The following FSTL4 variants were observed in gnomAD, a reference collection of about 807,000 sequenced individuals.
The protein encoded by FSTL4 is follistatin like 4.
Under a neutral mutation model 78.2 loss-of-function variants are expected in FSTL4, and 28 were observed. The observed-to-expected ratio is 0.36, with a 90% CI of 0.27 to 0.49. FSTL4 has a LOEUF of 0.49. FSTL4 is among the 20% of genes least tolerant of loss of function. FSTL4 has a pLI of 0.98. For synonymous variants in FSTL4, 422 were observed against 440.5 expected, an observed-to-expected ratio of 0.96 and a Z score of 0.53; for missense variants, 922 against 1,084.9, an observed-to-expected ratio of 0.85 and a Z score of 2.11.
At chr5:133,399,579 G>T (rs1253278758) in intron 4 of FSTL4, among the ~76,000 whole-genome samples, 1 of 152,190 alleles carries the variant, frequency 6.6e-6, no homozygotes, top group African/African-American at 2.4e-5. Flanking sequence ...ATCCGCCTCC[G>T]CTCAGGTGTG....
At chr5:133,399,003 C>G (rs72803175) in intron 4 of FSTL4, among the ~76,000 whole-genome samples, 31,520 of 152,194 alleles carry the variant, frequency 0.21, 4,016 homozygotes, top group East Asian at 0.28. Context: ...CCGCTCCACG[C>G]CAGCTTGTCC....
chr5:133,513,866 G>A (rs549565882), intron 3 of FSTL4, among the ~76,000 whole-genome samples: 2 of 152,090 alleles, frequency 1.3e-5, no homozygotes, highest in East Asian at 1.9e-4. Flanking sequence ...AGAGAACTTC[G>A]GCACCTCAAG....
At chr5:133,676,262 C>T in the FSTL4 span, among the ~76,000 whole-genome samples, 1 of 152,334 alleles carries the variant, frequency 6.6e-6, no homozygotes, top group African/African-American at 2.4e-5. Context: ...GAGGTCTACA[C>T]ATTTCTTCTA....
the FSTL4 span, among the ~76,000 whole-genome samples, chr5:133,789,455 C>T: frequency 6.6e-6 from 1 of 152,174 alleles, no homozygotes. Flanking sequence ...GATAATTGTT[C>T]AATGACTCTT....
In FSTL4 at chr5:133,197,287, GGA is replaced by G. The variant is rs879228157; in HGVS notation, c.*1806_*1807del. The G allele has an allele frequency of 1.3e-5, 2 of 151,458 alleles. No individual in the cohort carries two copies. The highest frequency in any genetic ancestry group is 3.9e-4 in the East Asian group (2 of 5,174). 9.4% of individuals were successfully genotyped at this position (151,458 alleles called of 1,614,324 possible). A position where few individuals can be genotyped will look rare whatever the true frequency, so the allele number is the denominator to read the frequency against. On this transcript the variant is annotated 3_prime_UTR_variant, in exon 16 of 16. Coordinates refer to ENST00000265342, the MANE Select transcript of FSTL4 (RefSeq NM_015082.2). ...CATAACATATCAAGATATTGAGGCA[GGA>G]AAAAAAAAGGGGTGAGATGGGTCAT...
rs1245244394 is a variant in FSTL4 at position 133,338,195 on chromosome 5, T to C, written c.410-21543A>G. ...CATGTTTCTAGATGACTCGGGTCAC[T>C]CACTGGCCCTGGCCCTGATGACCCC... On this transcript the variant is annotated intron_variant, in intron 4 of 15. Coordinates refer to ENST00000265342, the MANE Select transcript of FSTL4 (RefSeq NM_015082.2). This position sits in a 1 kb window ranked among gnomAD's most constrained non-coding sequence, Gnocchi z 4.0. Among the ~76,000 whole-genome samples the C allele has an allele frequency of 6.6e-6, 1 of 152,184 alleles. No individual in the cohort carries two copies. Among genetic ancestry groups the C allele is most frequent in the Non-Finnish European group, 1.5e-5 (1 of 68,036 alleles).
intron 4 of FSTL4, among the ~76,000 whole-genome samples, chr5:133,356,420 A>G (rs954150441): frequency 9.2e-5 from 14 of 152,116 alleles, no homozygotes; most frequent in African/African-American, 3.4e-4. Flanking sequence ...GGGAGGGGGA[A>G]TTTGAGAGGA....
intron 11 of FSTL4, among the ~76,000 whole-genome samples, chr5:133,223,398 T>C (rs1751218199): frequency 6.6e-6 from 1 of 152,190 alleles, no homozygotes; most frequent in African/African-American, 2.4e-5. Context: ...ATGGGAAATG[T>C]CTTGGTTTTC....
the FSTL4 span, among the ~76,000 whole-genome samples, chr5:133,681,385 C>T: frequency 6.6e-6 from 1 of 152,244 alleles, no homozygotes; most frequent in South Asian, 2.1e-4. Flanking sequence ...AGCCCTTCTT[C>T]ACTCCAACAG....
intron 13 of FSTL4, among the ~76,000 whole-genome samples, chr5:133,216,346 A>G (rs1210041675): frequency 6.6e-6 from 1 of 151,876 alleles, no homozygotes; most frequent in African/African-American, 2.4e-5. Flanking sequence ...GCTGGAGTGC[A>G]GTGGTGTGAT....
At chr5:133,609,289 A>G (rs952383121) in intron 1 of FSTL4, among the ~76,000 whole-genome samples, 28 of 151,808 alleles carry the variant, frequency 1.8e-4, no homozygotes, top group African/African-American at 6.5e-4. Flanking sequence ...CACACACTGT[A>G]GGTGTGTAGC....
At chr5:133,782,785 T>A in the FSTL4 span, among the ~76,000 whole-genome samples, 2 of 152,146 alleles carry the variant, frequency 1.3e-5, no homozygotes, top group Non-Finnish European at 2.9e-5. Context: ...ATCCCTCAAG[T>A]CCCTGCCTGT....
intron 4 of FSTL4, among the ~76,000 whole-genome samples, chr5:133,340,041 C>T (rs567510765): frequency 3.3e-5 from 5 of 152,290 alleles, no homozygotes; most frequent in Admixed American, 1.3e-4. Flanking sequence ...GGCCGGAGGG[C>T]GTGGGGTGCT....
the FSTL4 span, among the ~76,000 whole-genome samples, chr5:133,783,278 C>G: frequency 6.6e-6 from 1 of 152,278 alleles, no homozygotes; most frequent in East Asian, 1.9e-4. Context: ...GGACATGACT[C>G]CAACCAAACA....
the FSTL4 span, among the ~76,000 whole-genome samples, chr5:133,773,095 A>C: frequency 6.6e-6 from 1 of 152,114 alleles, no homozygotes; most frequent in Non-Finnish European, 1.5e-5. Context: ...ACTAAATGCT[A>C]TTTATGGGAA....
At chr5:133,517,441 A>ATATATATATATAT (rs1241999793) in intron 3 of FSTL4, among the ~76,000 whole-genome samples, 3 of 30,116 alleles carry the variant, frequency 1.0e-4, no homozygotes, top group African/African-American at 4.8e-4. Flanking sequence ...AAAAAAAAAA[A>ATATATATATATAT]AAAAAAATAT....
intron 1 of FSTL4, among the ~76,000 whole-genome samples, chr5:133,606,809 T>C (rs1760987079): frequency 6.6e-6 from 1 of 152,252 alleles, no homozygotes; most frequent in African/African-American, 2.4e-5. Context: ...TAACTTTTAA[T>C]CTGCTTTGTA....
At chr5:133,716,072 G>A in the FSTL4 span, among the ~76,000 whole-genome samples, 4 of 152,162 alleles carry the variant, frequency 2.6e-5, no homozygotes, top group Admixed American at 2.6e-4. Context: ...AGCAAGTACT[G>A]GTTCAAATGC....
upstream of FSTL4, among the ~76,000 whole-genome samples, chr5:133,616,957 A>G (rs1278881696): frequency 6.6e-6 from 1 of 151,964 alleles, no homozygotes; most frequent in Admixed American, 6.5e-5. Flanking sequence ...CCATCTCCAC[A>G]GTCTTAGAGC....
Sources: allele counts gnomAD v4.1 joint callset (sites outside exome capture counted in the v4.1 genomes callset), GRCh38; gene constraint gnomAD v4.1.1; non-coding constraint Gnocchi (gnomAD v3.1); transcripts MANE v1.5; gene names NCBI Gene and HGNC (gene_info 2026-07-23, HGNC 2026-07-21).